The following GRM8 variants were observed in gnomAD, a reference collection of about 807,000 sequenced individuals.
The protein encoded by GRM8 is glutamate metabotropic receptor 8.
In GRM8, 47 loss-of-function variants were observed where a neutral mutation model predicts 87.2. That is an observed-to-expected ratio of 0.54 (90% confidence interval 0.43 to 0.69). The LOEUF is 0.69. Ranked by LOEUF, GRM8 falls within the 30% of genes least tolerant of loss-of-function variation. The pLI is 0.00. For synonymous variants in GRM8, 396 were observed against 404.5 expected, an observed-to-expected ratio of 0.98 and a Z score of 0.25; for missense variants, 1,019 against 1,139.2, an observed-to-expected ratio of 0.89 and a Z score of 1.52.
intron 3 of GRM8, among the ~76,000 whole-genome samples, chr7:126,952,608 A>G (rs1808283209): frequency 1.3e-5 from 2 of 152,058 alleles, no homozygotes; most frequent in Admixed American, 1.3e-4. Context: ...GATCAACACC[A>G]CCACTAATAA....
intron 3 of GRM8, among the ~76,000 whole-genome samples, chr7:127,033,093 T>G (rs1817534871): frequency 6.6e-6 from 1 of 151,746 alleles, no homozygotes. Context: ...GATGTTATTT[T>G]TGTCTCCTGG....
intron 3 of GRM8, among the ~76,000 whole-genome samples, chr7:127,027,274 C>A (rs1280114537): frequency 6.6e-6 from 1 of 152,132 alleles, no homozygotes; most frequent in Non-Finnish European, 1.5e-5. Context: ...AGCGTGATGC[C>A]TCCAGCTTTG....
intron 7 of GRM8, among the ~76,000 whole-genome samples, chr7:126,638,425 G>A (rs1457213095): frequency 6.6e-6 from 1 of 151,894 alleles, no homozygotes; most frequent in Non-Finnish European, 1.5e-5. Flanking sequence ...TTATTGCTTT[G>A]GGAAGTTAAC....
At chr7:126,874,014 T>C (rs1012423175) in intron 6 of GRM8, among the ~76,000 whole-genome samples, 1 of 152,130 alleles carries the variant, frequency 6.6e-6, no homozygotes, top group African/African-American at 2.4e-5. Flanking sequence ...AATGTAAAAT[T>C]TGCCTGCATA....
intron 9 of GRM8, among the ~76,000 whole-genome samples, chr7:126,450,959 A>C (rs1490953954): frequency 1.3e-5 from 2 of 151,862 alleles, no homozygotes; most frequent in African/African-American, 4.8e-5. Flanking sequence ...ATGGGTGTGC[A>C]CTTGTACACA....
intron 1 of GRM8, among the ~76,000 whole-genome samples, chr7:127,251,819 C>G (rs1299269936): frequency 6.6e-6 from 1 of 152,184 alleles, no homozygotes; most frequent in African/African-American, 2.4e-5. Flanking sequence ...GAGACCTTTT[C>G]TCCATCCCCC....
intron 9 of GRM8, among the ~76,000 whole-genome samples, chr7:126,482,966 T>C (rs10954118): frequency 0.76 from 114,911 of 151,014 alleles, 43,735 homozygotes; most frequent in Middle Eastern, 0.87. Flanking sequence ...TTTAAACTTT[T>C]TTGACAGGGT....
At chr7:127,125,484 A>G (rs1230427494) in intron 2 of GRM8, among the ~76,000 whole-genome samples, 1 of 152,012 alleles carries the variant, frequency 6.6e-6, no homozygotes, top group Non-Finnish European at 1.5e-5. Flanking sequence ...ATAAAACTAT[A>G]CAGCAGTACA....
intron 2 of GRM8, among the ~76,000 whole-genome samples, chr7:127,218,037 C>A (rs972719090): frequency 2.6e-5 from 4 of 152,218 alleles, no homozygotes; most frequent in Non-Finnish European, 2.9e-5. Context: ...ATTAGCATCT[C>A]TCATGAGTGG....
intron 10 of GRM8, among the ~76,000 whole-genome samples, chr7:126,445,774 C>A (rs573357128): frequency 6.6e-6 from 1 of 151,802 alleles, no homozygotes; most frequent in Non-Finnish European, 1.5e-5. Flanking sequence ...TAAAAAGCAC[C>A]CAGTATGGAA....
At chr7:126,758,433 T>C (rs1384674151) in intron 7 of GRM8, among the ~76,000 whole-genome samples, 2 of 152,178 alleles carry the variant, frequency 1.3e-5, no homozygotes, top group African/African-American at 4.8e-5. Flanking sequence ...AGCTCATGTC[T>C]GTCTCTGAAA....
At chr7:127,137,712 C>T (rs746674758) in intron 2 of GRM8, among the ~76,000 whole-genome samples, 1 of 151,492 alleles carries the variant, frequency 6.6e-6, no homozygotes, top group Non-Finnish European at 1.5e-5. Context: ...ATTTGCTTTG[C>T]TATTAAAAAA....
At chr7:126,892,611 CT>C (rs1801159497) in intron 6 of GRM8, among the ~76,000 whole-genome samples, 1 of 152,116 alleles carries the variant, frequency 6.6e-6, no homozygotes, top group South Asian at 2.1e-4. Context: ...GTGCGTGTGT[CT>C]TTACAGCAGC....
intron 9 of GRM8, among the ~76,000 whole-genome samples, chr7:126,453,145 A>AT (rs1802839305): frequency 6.6e-6 from 1 of 151,334 alleles, no homozygotes. Flanking sequence ...ATAAGGAAAT[A>AT]TACTTTATGT....
intron 7 of GRM8, among the ~76,000 whole-genome samples, chr7:126,722,495 G>A (rs900896539): frequency 6.6e-6 from 1 of 152,018 alleles, no homozygotes; most frequent in Non-Finnish European, 1.5e-5. Context: ...AGCCCTTCAT[G>A]GGACTATGAA....
chr7:126,842,554 G>C (rs1796373878), intron 6 of GRM8, among the ~76,000 whole-genome samples: 1 of 152,204 alleles, frequency 6.6e-6, no homozygotes, highest in African/African-American at 2.4e-5. Flanking sequence ...TAAGGTTGGA[G>C]ATGGGATTAA....
intron 10 of GRM8, among the ~76,000 whole-genome samples, chr7:126,443,591 A>G: frequency 6.6e-6 from 1 of 152,134 alleles, no homozygotes; most frequent in East Asian, 1.9e-4. Flanking sequence ...CTCCTGTAAA[A>G]GATCAATGCA....
chr7:126,792,249 T>C (rs1321451331), intron 6 of GRM8, among the ~76,000 whole-genome samples: 5 of 152,232 alleles, frequency 3.3e-5, no homozygotes, highest in Non-Finnish European at 7.3e-5. Context: ...TCACGGTGAA[T>C]GCTTGTGCTC....
At chr7:126,484,217 T>A (rs1374894299) in intron 9 of GRM8, among the ~76,000 whole-genome samples, 2 of 152,100 alleles carry the variant, frequency 1.3e-5, no homozygotes, top group Non-Finnish European at 1.5e-5. Context: ...TACAAAATGA[T>A]GGAGGCTTTA....
Sources: gnomAD v4.1 joint callset for allele counts (sites outside exome capture counted in the v4.1 genomes callset) on GRCh38, gnomAD v4.1.1 for gene constraint, MANE v1.5 for transcripts, NCBI Gene and HGNC (gene_info 2026-07-23, HGNC 2026-07-21) for gene names.